ERN2: variants seen among roughly 807,000 people sequenced by gnomAD.
ERN2 encodes endoplasmic reticulum to nucleus signaling 2.
ERN2 carries 111 observed loss-of-function variants against 107.9 expected under a neutral mutation model. That is an observed-to-expected ratio of 1.03 (90% confidence interval 0.88 to 1.20). The LOEUF is 1.20. ERN2 is among the 50% of genes most tolerant of loss of function. The pLI, the probability that ERN2 is intolerant of heterozygous loss-of-function variation, is 0.00. For missense variants in ERN2, 1,225 were observed against 1,197.9 expected, an observed-to-expected ratio of 1.02 and a Z score of -0.33; for synonymous variants, 524 against 501.7, an observed-to-expected ratio of 1.04 and a Z score of -0.59.
At position 23,690,896 on chromosome 16, in the gene ERN2, A is replaced by G. The variant is rs111591231; in HGVS notation, c.2716T>C (p.Phe906Leu). Residue 906 changes from phenylalanine to leucine, a missense_variant, in exon 22 of 22, where the codon TTC becomes CTC. Transcript: ENST00000256797. The part of the protein sequence containing the change: ...AMRSCASESL[F>L]LPYYPPDSEA... The stretch of plus-strand genomic sequence containing the variant: ...GAGTCTGGCGGGTAGTAGGGCAGGA[A>G]GAGGCTCTCAGAGGCGCAGCTCCTC... 138 of 1,613,942 alleles carry G rather than the reference A, an allele frequency of 8.6e-5. No homozygotes were observed. Among genetic ancestry groups the G allele is most frequent in the Non-Finnish European group, 1.1e-4 (134 of 1,180,046 alleles).
intron 4 of ERN2, chr16:23,709,259 C>T (rs1015820648): frequency 2.2e-6 from 1 of 444,452 alleles, no homozygotes; most frequent in African/African-American, 2.0e-5. Flanking sequence ...GATCGTACCA[C>T]TGCACTCCAG....
intron 14 of ERN2, 71 bp downstream of exon 14, chr16:23,695,823 C>A: frequency 8.6e-7 from 1 of 1,164,056 alleles, no homozygotes; most frequent in South Asian, 1.3e-5. Context: ...GAAAGAATGT[C>A]TCTCCAGGGG....
intron 4 of ERN2, chr16:23,709,059 C>G (rs984827429): frequency 2.5e-6 from 1 of 399,604 alleles, no homozygotes; most frequent in Non-Finnish European, 5.0e-6. Flanking sequence ...GATTGACACA[C>G]TAAAATTTCT....
chr16:23,695,976 C>T lies in ERN2; in HGVS notation c.1528G>A (p.Glu510Lys), dbSNP rs768661196. The T allele has an allele frequency of 1.9e-6, 3 of 1,613,550 alleles. No homozygotes were observed. Among genetic ancestry groups the T allele is most frequent in the African/African-American group, 2.7e-5 (2 of 74,938 alleles). ...ATCTTCCCCACTACGGTGAGTTGCT[C>T]AGCTGGGGGAGAGGAGGGTGGTGAC... ...QAQPLDDPEAEQLTVVGKISF... is the reference protein window; with the variant it reads ...QAQPLDDPEAKQLTVVGKISF... The change falls in exon 14 of 22, where the codon GAG becomes AAG. Residue 510 changes from glutamate to lysine, a missense_variant and splice_region_variant. Coordinates refer to ENST00000256797, the MANE Select transcript of ERN2 (RefSeq NM_033266.4).
At position 23,709,955 on chromosome 16, in the gene ERN2, C is replaced by G. The variant is rs575967547; in HGVS notation, c.306+217G>C. 19 of 541,442 alleles carry G rather than the reference C, an allele frequency of 3.5e-5. No individual in the cohort carries two copies. In the Admixed American group the frequency reaches 6.4e-4, roughly 18 times the overall value. The allele number at this position is 541,442 out of a possible 1,614,324, so 33.5% of individuals were successfully genotyped here. On this transcript the variant is annotated intron_variant, in intron 4 of 21. Transcript: ENST00000256797. ...TCCTGGAGAAGGCCCTGGGATACCT[C>G]CAGCTTGATAGTCAGATTGCCCTGC...
In ERN2 at chr16:23,700,608, C is replaced by T; in HGVS notation, c.1456G>A (p.Ala486Thr). The T allele has an allele frequency of 1.9e-6, 3 of 1,613,648 alleles. No individual in the cohort carries two copies. Among genetic ancestry groups the T allele is most frequent in the Non-Finnish European group, 2.5e-6 (3 of 1,179,698 alleles). The change falls in exon 13 of 22, where the codon GCC becomes ACC. Residue 486 changes from alanine to threonine, a missense_variant. Physicochemically the swap from Ala to Thr is moderately conservative, Grantham distance 58 (BLOSUM62 0). Transcript: ENST00000256797. ...AGCCTCTTCTGGCTCCTCCGGCTGGCCCCCGAGTGCAGGGACTGGGCATCC... is the reference window on the plus strand; with the variant it reads ...AGCCTCTTCTGGCTCCTCCGGCTGGTCCCCGAGTGCAGGGACTGGGCATCC... ...SQDAQSLHSG[A>T]SRRSQKRLQS...
At chr16:23,703,193 G>A (rs1261294647) in intron 8 of ERN2, among the ~76,000 whole-genome samples, 2 of 150,474 alleles carry the variant, frequency 1.3e-5, no homozygotes, top group Non-Finnish European at 2.9e-5. Flanking sequence ...ATGTTCCATA[G>A]TCATGATTTC....
intron 1 of ERN2, 96 bp from the exon 2 acceptor site, chr16:23,711,114 C>A: frequency 1.3e-6 from 1 of 761,660 alleles, no homozygotes; most frequent in East Asian, 2.5e-5. Flanking sequence ...CCCCTTCCCC[C>A]AGATGGGGAT....
intron 7 of ERN2, among the ~76,000 whole-genome samples, chr16:23,705,456 G>A (rs1802603058): frequency 9.1e-6 from 1 of 110,328 alleles, no homozygotes; most frequent in Admixed American, 8.6e-5. Context: ...TGGGTCACTT[G>A]GGAGTCACTT....
In ERN2 at chr16:23,702,173, C is replaced by G. The variant is rs148753255; in HGVS notation, c.1182G>C (p.Gln394His). The G allele has an allele frequency of 8.1e-6, 13 of 1,613,842 alleles. No homozygotes were observed. In the African/African-American group the frequency reaches 1.7e-4, roughly 22 times the overall value. ...TAETRPPENT[Q>H]APAFFLELLS... ...TGACCTCCAAGAAGAAGGCTGGGGC[C>G]TGGGTATTCTCTGGAGGTCTTGTCT... The change falls in exon 11 of 22, where the codon CAG (glutamine) becomes CAC (histidine). Residue 394 changes from glutamine to histidine, a missense_variant. Transcript: ENST00000256797.
chr16:23,699,611 G>A (rs185839919), intron 13 of ERN2, among the ~76,000 whole-genome samples: 1 of 152,244 alleles, frequency 6.6e-6, no homozygotes, highest in East Asian at 1.9e-4. Context: ...TATTTGTAGA[G>A]ACAAGGTCTC....
In ERN2 at chr16:23,692,326, G is replaced by A. The variant is rs771900050; in HGVS notation, c.2106C>T (p.Ser702=). ...AGCCTGCAGAGAAGATGTCCACAGC[G>A]CTGGTCTGGAGCCAGAGAGATGGGC... ...LQLLPPDSPT[S]AVDIFSAGCV... The change falls in exon 18 of 22, where the codon AGC becomes AGT. Residue 702 remains serine (S), a synonymous_variant. Coordinates refer to ENST00000256797, the MANE Select transcript of ERN2 (RefSeq NM_033266.4). 18 of 1,612,580 alleles carry A rather than the reference G, an allele frequency of 1.1e-5. No individual in the cohort carries two copies. Among genetic ancestry groups the A allele is most frequent in the African/African-American group, 6.7e-5 (5 of 74,936 alleles).
rs369698081 is a variant in ERN2, at chr16:23,691,411, C to T, written c.2391G>A (p.Trp797Ter). 2 of 1,599,342 alleles carry T rather than the reference C, an allele frequency of 1.3e-6. No homozygotes were observed. The highest frequency in any genetic ancestry group is 2.7e-5 in the African/African-American group (2 of 74,908). ...QLQFFQDVSD[W>*]LEKESEQEPL... The stretch of plus-strand genomic sequence containing the variant: ...GCTCCTGCTCGGACTCCTTCTCCAG[C>T]CAGTCACTGACGTCCTGGGGCCCAG... Residue 797 changes from tryptophan (W) to a stop codon, truncating the protein, a stop_gained, in exon 20 of 22, where the codon TGG (tryptophan) becomes TGA (stop). Transcript: ENST00000256797. LOFTEE classifies it high-confidence loss of function.
In ERN2 at chr16:23,707,565, A is replaced by T. The variant is rs1034829296; in HGVS notation, c.307-486T>A. Among the ~76,000 whole-genome samples, 31 of 150,490 alleles carry T rather than the reference A, an allele frequency of 2.1e-4. 1 individual carries two copies. Among genetic ancestry groups the T allele is most frequent in the Admixed American group, 2.0e-3 (31 of 15,146 alleles). On this transcript the variant is annotated intron_variant, in intron 4 of 21. Coordinates refer to ENST00000256797, the MANE Select transcript of ERN2 (RefSeq NM_033266.4). The stretch of plus-strand genomic sequence containing the variant: ...CTCGTCTCTACAGAAAAAAAAAAAA[A>T]TTTGCTGAATATGGTGGCATGTGCC...
rs1392960972 is a variant in ERN2 at position 23,704,967 on chromosome 16, G to A, written c.770C>T (p.Ala257Val). ...CAGTCGGATGTGGCCCCAGCGGAGG[G>A]CGAGGAAATGCAGAGTGTCTCGAGC... Reference protein sequence around the residue: ...TLARDTLHFLALRWGHIRLPA... With the variant: ...TLARDTLHFLVLRWGHIRLPA... The change falls in exon 8 of 22, where the codon GCC becomes GTC. Residue 257 changes from alanine (A) to valine (V), a missense_variant. Transcript: ENST00000256797. The A allele has an allele frequency of 2.5e-6, 4 of 1,613,952 alleles. No homozygotes were observed. The highest frequency in any genetic ancestry group is 1.1e-5 in the South Asian group (1 of 91,082).
rs144233717 is a variant in ERN2, at chr16:23,697,817, C to A, written c.1526-1839G>T. Among the ~76,000 whole-genome samples, 675 of 152,200 alleles carry A rather than the reference C, an allele frequency of 4.4e-3. 10 individuals carry two copies. Among genetic ancestry groups the A allele is most frequent in the Middle Eastern group, 0.014 (4 of 292 alleles). ...TGTCACCCAGGCTAGAGTGCACTGG[C>A]GTGATCATAGCTCACTGTAACCTCG... On this transcript the variant is annotated intron_variant, in intron 13 of 21. Coordinates refer to ENST00000256797, the MANE Select transcript of ERN2 (RefSeq NM_033266.4).
At position 23,695,107 on chromosome 16, in the gene ERN2, G is replaced by A. The variant is rs1959752582; in HGVS notation, c.1812C>T (p.Asn604=). 3 of 1,614,058 alleles carry A rather than the reference G, an allele frequency of 1.9e-6. No homozygotes were observed. The highest frequency in any genetic ancestry group is 1.1e-5 in the South Asian group (1 of 91,076). Residue 604 remains asparagine, a synonymous_variant, in exon 16 of 22, where the codon AAC becomes AAT. Coordinates refer to ENST00000256797, the MANE Select transcript of ERN2 (RefSeq NM_033266.4). ...CRASLQEYVE[N]PDLDRGGLEP... ...CCAGACCCCCGCGATCCAGGTCCGG[G>A]TTTTCTACGTACTGAGCAGCAGCAA...
At position 23,707,051 on chromosome 16, in the gene ERN2, A is replaced by T; in HGVS notation, c.335T>A (p.Val112Asp). 6.2e-7 allele frequency: 1 copy of T among 1,614,196 alleles called. No homozygotes were observed. The highest frequency in any genetic ancestry group is 1.7e-5 in the Admixed American group (1 of 60,030). Residue 112 changes from valine to aspartate, a missense_variant, in exon 5 of 22, where the codon GTT becomes GAT. Coordinates refer to ENST00000256797, the MANE Select transcript of ERN2 (RefSeq NM_033266.4). ...AGAGCTGCGGCAGGGAGAGGCATGAACCAGCTCAGGGATGGTGAATGGCAG... is the reference window on the plus strand; with the variant it reads ...AGAGCTGCGGCAGGGAGAGGCATGATCCAGCTCAGGGATGGTGAATGGCAG... ...MKLPFTIPELVHASPCRSSDG... is the reference protein window; with the variant it reads ...MKLPFTIPELDHASPCRSSDG...
chr16:23,700,146 T>C (rs1370976405), intron 13 of ERN2, among the ~76,000 whole-genome samples: 2 of 152,054 alleles, frequency 1.3e-5, no homozygotes, highest in Non-Finnish European at 2.9e-5. Flanking sequence ...CTGGGTAACA[T>C]AGCGAGACCC....
Sources: allele counts gnomAD v4.1 joint callset (sites outside exome capture counted in the v4.1 genomes callset), GRCh38; gene constraint gnomAD v4.1.1; transcripts MANE v1.5; gene names NCBI Gene and HGNC (gene_info 2026-07-23, HGNC 2026-07-21).